NRBF2: variants seen among roughly 807,000 people sequenced by gnomAD.
The protein encoded by NRBF2 is nuclear receptor binding factor 2.
A neutral mutation model predicts 28.5 loss-of-function variants in NRBF2; 12 were observed. The observed-to-expected ratio is 0.42, with a 90% CI of 0.27 to 0.68. The LOEUF is 0.68. Ranked by LOEUF, NRBF2 falls within the 30% of genes least tolerant of loss-of-function variation. The pLI, the probability that NRBF2 is intolerant of heterozygous loss-of-function variation, is 0.24. For synonymous variants in NRBF2, 102 were observed against 116.5 expected (o/e 0.88, Z 0.80); for missense variants, 274 against 333.5 (o/e 0.82, Z 1.39).
intron 1 of NRBF2, among the ~76,000 whole-genome samples, chr10:63,145,897 A>C (rs148655790): frequency 6.6e-6 from 1 of 152,348 alleles, no homozygotes; most frequent in East Asian, 1.9e-4. Flanking sequence ...CATTTTGAAT[A>C]ACAATCTATG....
Position 63,153,666 on chromosome 10 carries a change from C to G in NRBF2, c.312C>G (p.Pro104=), listed in dbSNP as rs201818122. 13 of 1,611,982 alleles carry G rather than the reference C, an allele frequency of 8.1e-6. No individual in the cohort carries two copies. The East Asian group carries it at 2.7e-4, about 33-fold the overall frequency. Residue 104 remains proline (P), a synonymous_variant, in exon 4 of 4, where the codon CCC becomes CCG. Coordinates refer to ENST00000277746, the MANE Select transcript of NRBF2 (RefSeq NM_030759.5). ...CCCATCTTCAGACATCTCACAAACC[C>G]TCTGCAGAGGATGCAGAGGGCCAGA... The part of the protein sequence containing the change: ...AAAHLQTSHK[P]SAEDAEGQSP...
chr10:63,150,120 T>C (rs1022628017), intron 2 of NRBF2, among the ~76,000 whole-genome samples: 5 of 151,470 alleles, frequency 3.3e-5, no homozygotes, highest in African/African-American at 1.2e-4. Context: ...TTTTGTATTT[T>C]TTTTTTTTTT....
intron 1 of NRBF2, among the ~76,000 whole-genome samples, chr10:63,143,802 G>A (rs1310256561): frequency 6.8e-6 from 1 of 147,910 alleles, no homozygotes; most frequent in Non-Finnish European, 1.5e-5. Context: ...GCCCGGACTG[G>A]AGTGCAGTGG....
intron 1 of NRBF2, among the ~76,000 whole-genome samples, chr10:63,139,256 C>T (rs983286832): frequency 1.3e-5 from 2 of 152,164 alleles, no homozygotes; most frequent in Admixed American, 1.3e-4. Flanking sequence ...GATCTGCCCA[C>T]CTTGGCCTCC....
intron 3 of NRBF2, among the ~76,000 whole-genome samples, 162 bp downstream of exon 3, chr10:63,152,352 A>G (rs1841663959): frequency 6.6e-6 from 1 of 152,238 alleles, no homozygotes; most frequent in Admixed American, 6.5e-5. Flanking sequence ...ATTAAAACTA[A>G]ATGAACTGCA....
intron 1 of NRBF2, among the ~76,000 whole-genome samples, chr10:63,133,775 C>T (rs1841327889): frequency 6.6e-6 from 1 of 152,230 alleles, no homozygotes; most frequent in African/African-American, 2.4e-5. Flanking sequence ...GGGCTGCCAC[C>T]TCCTCTCTGG....
intron 1 of NRBF2, among the ~76,000 whole-genome samples, chr10:63,138,311 T>A (rs985139264): frequency 2.1e-5 from 3 of 145,646 alleles, no homozygotes; most frequent in Non-Finnish European, 3.0e-5. Flanking sequence ...AAACTCCGTA[T>A]CAAAAAACAA....
At chr10:63,133,899 C>G (rs1235343173) in intron 1 of NRBF2, among the ~76,000 whole-genome samples, 2 of 152,080 alleles carry the variant, frequency 1.3e-5, no homozygotes, top group East Asian at 3.9e-4. Context: ...GCAGCAGGGT[C>G]TGAGTCTGAG....
Position 63,153,619 on chromosome 10 carries a change from A to G in NRBF2, c.265A>G (p.Asn89Asp). 6.2e-7 allele frequency: 1 copy of G among 1,611,992 alleles called. No individual in the cohort carries two copies. Among genetic ancestry groups the G allele is most frequent in the Non-Finnish European group, 8.5e-7 (1 of 1,179,854 alleles). ...TGAAGAAAGATTGAAAGCCCAGCAG[A>G]ACACAGACAAGGATGCAGCTGCCCA... ...QREERLKAQQ[N>D]TDKDAAAHLQ... Residue 89 changes from asparagine to aspartate, a missense_variant, in exon 4 of 4, where the codon AAC (asparagine) becomes GAC (aspartate). Asn to Asp is a conservative substitution (Grantham distance 23, BLOSUM62 1). Coordinates refer to ENST00000277746, the MANE Select transcript of NRBF2 (RefSeq NM_030759.5).
At chr10:63,142,869 C>T (rs1003617357) in intron 1 of NRBF2, among the ~76,000 whole-genome samples, 1 of 150,116 alleles carries the variant, frequency 6.7e-6, no homozygotes, top group Non-Finnish European at 1.5e-5. Context: ...CAACCTCCGC[C>T]TTCCAGGTTC....
At chr10:63,150,900 A>T (rs191722088) in intron 2 of NRBF2, among the ~76,000 whole-genome samples, 1 of 152,098 alleles carries the variant, frequency 6.6e-6, no homozygotes, top group Non-Finnish European at 1.5e-5. Context: ...GGTTTGTGCT[A>T]TGAGAAGCTA....
chr10:63,138,465 C>T (rs1432532331), intron 1 of NRBF2, among the ~76,000 whole-genome samples: 1 of 149,754 alleles, frequency 6.7e-6, no homozygotes, highest in East Asian at 1.9e-4. Flanking sequence ...GCCTGAGCGA[C>T]TGAGCGAGAC....
chr10:63,152,918 C>A (rs1225095091), intron 3 of NRBF2, among the ~76,000 whole-genome samples: 1 of 152,232 alleles, frequency 6.6e-6, no homozygotes, highest in Non-Finnish European at 1.5e-5. Flanking sequence ...GATCACTGAA[C>A]ACCTGAGTCC....
chr10:63,147,577 G>A (rs59682467), intron 2 of NRBF2, among the ~76,000 whole-genome samples: 5,358 of 150,658 alleles, frequency 0.036, 290 homozygotes, highest in East Asian at 0.26. Flanking sequence ...CTCCCAAAGC[G>A]CTGGGATTAC....
chr10:63,138,267 C>T (rs1272505400), intron 1 of NRBF2, among the ~76,000 whole-genome samples: 1 of 151,820 alleles, frequency 6.6e-6, no homozygotes. Flanking sequence ...GAGCCAAGGT[C>T]ACGCCCTTGC....
intron 1 of NRBF2, among the ~76,000 whole-genome samples, chr10:63,139,441 G>A (rs866153273): frequency 9.9e-5 from 15 of 152,230 alleles, no homozygotes; most frequent in African/African-American, 3.6e-4. Context: ...GAAGCAGTTA[G>A]CATGTGGAAG....
At chr10:63,144,417 CT>C (rs58418737) in intron 1 of NRBF2, among the ~76,000 whole-genome samples, 186 of 138,950 alleles carry the variant, frequency 1.3e-3, no homozygotes, top group African/African-American at 3.5e-3. Context: ...ATTATCTTCC[CT>C]TTTTTTTTTT....
At chr10:63,144,438 A>T in intron 1 of NRBF2, among the ~76,000 whole-genome samples, 2 of 142,548 alleles carry the variant, frequency 1.4e-5, no homozygotes. Context: ...TTTTTGAGAC[A>T]CAGTCTCGCT....
intron 1 of NRBF2, among the ~76,000 whole-genome samples, chr10:63,139,738 G>A (rs769857838): frequency 6.6e-6 from 1 of 152,106 alleles, no homozygotes; most frequent in East Asian, 1.9e-4. Context: ...TTTCCACCTG[G>A]CTAGCCTCTG....
Sources: allele counts gnomAD v4.1 joint callset (sites outside exome capture counted in the v4.1 genomes callset), GRCh38; gene constraint gnomAD v4.1.1; transcripts MANE v1.5; gene names NCBI Gene and HGNC (gene_info 2026-07-23, HGNC 2026-07-21).